Variants in YKT6 observed in about 807,000 individuals in gnomAD.
The protein encoded by YKT6 is synaptobrevin homolog YKT6.
YKT6 carries 12 observed loss-of-function variants against 29.3 expected under a neutral mutation model. The observed-to-expected ratio is 0.41, with a 90% CI of 0.26 to 0.66. The LOEUF is 0.66. Ranked by LOEUF, YKT6 falls within the 30% of genes least tolerant of loss-of-function variation. The probability of loss-of-function intolerance (pLI) is 0.32; values close to 1 mark genes in which losing one functional copy is unlikely to be tolerated. For synonymous variants in YKT6, 86 were observed against 94.3 expected, an observed-to-expected ratio of 0.91 and a Z score of 0.51; for missense variants, 188 against 243.8, an observed-to-expected ratio of 0.77 and a Z score of 1.52.
chr7:44,210,992 A>G (rs1302745749), intron 5 of YKT6, 31 bp from the exon 6 acceptor site: 2 of 1,610,768 alleles, frequency 1.2e-6, no homozygotes. Flanking sequence ...CGTACTGAAC[A>G]GAGCTGGATT....
chr7:44,212,677 A>T lies in YKT6; in HGVS notation c.*395A>T. The T allele has an allele frequency of 6.4e-6, 1 of 155,898 alleles. No homozygotes were observed. Among genetic ancestry groups the T allele is most frequent in the Non-Finnish European group, 1.4e-5 (1 of 72,068 alleles). 9.7% of individuals were successfully genotyped at this position (155,898 alleles called of 1,614,324 possible). A position where few individuals can be genotyped will look rare whatever the true frequency, so the allele number is the denominator to read the frequency against. On this transcript the variant is annotated 3_prime_UTR_variant, in exon 7 of 7. Coordinates refer to ENST00000223369, the MANE Select transcript of YKT6 (RefSeq NM_006555.4). The stretch of plus-strand genomic sequence containing the variant: ...TGTACATTAATGATATTAACACTCC[A>T]GTGGGGGGTGGGGAGTCCCTGATGC...
In YKT6 at chr7:44,212,445, G is replaced by A. The variant is rs1156990538; in HGVS notation, c.*163G>A. The A allele has an allele frequency of 2.8e-5, 24 of 868,090 alleles. No individual in the cohort carries two copies. The East Asian group carries it at 4.4e-4, about 16-fold the overall frequency. 53.8% of individuals were successfully genotyped at this position (868,090 alleles called of 1,614,324 possible). On this transcript the variant is annotated 3_prime_UTR_variant, in exon 7 of 7. Transcript: ENST00000223369. ...GAGAAATGGATGGTGGAAGGGTGGC[G>A]AATGTTCAAATTCATATGTGTGGTA... is the stretch of plus-strand genomic sequence containing the variant.
intron 1 of YKT6, among the ~76,000 whole-genome samples, chr7:44,202,508 A>G (rs1009690189): frequency 6.6e-6 from 1 of 152,234 alleles, no homozygotes; most frequent in Non-Finnish European, 1.5e-5. Context: ...GCGACCTTAG[A>G]TAAATGGAAT....
intron 1 of YKT6, among the ~76,000 whole-genome samples, chr7:44,201,999 TGCTGGAAC>T (rs1416276404): frequency 1.3e-5 from 2 of 152,210 alleles, no homozygotes; most frequent in African/African-American, 4.8e-5. Context: ...GCGCTTTAAT[TGCTGGAAC>T]GTGTTAGAAG....
At position 44,212,257 on chromosome 7, in the gene YKT6, A is replaced by G; in HGVS notation, c.572A>G (p.Gln191Arg). 1 of 1,614,038 alleles carries G rather than the reference A, an allele frequency of 6.2e-7. No individual in the cohort carries two copies. The highest frequency in any genetic ancestry group is 8.5e-7 in the Non-Finnish European group (1 of 1,179,996). The change falls in exon 7 of 7, where the codon CAA (glutamine) becomes CGA (arginine). Residue 191 changes from glutamine to arginine, a missense_variant. Coordinates refer to ENST00000223369, the MANE Select transcript of YKT6 (RefSeq NM_006555.4). ...SKAFYKTARKQNSCCAIM is the reference protein window; with the variant it reads ...SKAFYKTARKRNSCCAIM ...TTGTTTTTTTCCAAGGCCCGGAAAC[A>G]AAACTCATGCTGTGCCATCATGTGA...
Position 44,206,442 on chromosome 7 carries a change from A to C in YKT6, c.245A>C (p.Asp82Ala). The C allele has an allele frequency of 6.2e-7, 1 of 1,614,128 alleles. No homozygotes were observed. The highest frequency in any genetic ancestry group is 2.2e-5 in the East Asian group (1 of 44,890). The stretch of plus-strand genomic sequence containing the variant: ...AGTCTTGCAGGTGTGGTCATTGCTG[A>C]CAATGAATACCCATCCCGGGTGGCC... ...NDSLAGVVIA[D>A]NEYPSRVAFT... is the part of the protein sequence containing the mutation. Residue 82 changes from aspartate to alanine, a missense_variant, in exon 3 of 7, where the codon GAC becomes GCC. Around this residue, in one of 3 missense-constraint regions of YKT6, gnomAD observed 100 missense variants for 136.3 expected, o/e 0.73. Transcript: ENST00000223369.
At chr7:44,210,920 A>G (rs2096346097) in intron 5 of YKT6, 103 bp from the exon 6 acceptor site, 2 of 1,160,964 alleles carry the variant, frequency 1.7e-6, no homozygotes, top group Non-Finnish European at 2.6e-6. Context: ...TGTGTGTTGG[A>G]GAGGAACCCA....
chr7:44,212,198 CCTTA>C (rs1166675935), intron 6 of YKT6, 45 bp from the exon 7 acceptor site: 3 of 1,613,244 alleles, frequency 1.9e-6, no homozygotes, highest in Admixed American at 1.7e-5. Context: ...TTGGGGCTTC[CCTTA>C]CTTCGTCAGT....
intron 5 of YKT6, chr7:44,208,580 C>T (rs1362462719): frequency 7.8e-5 from 20 of 257,198 alleles, no homozygotes; most frequent in Non-Finnish European, 4.6e-5. Flanking sequence ...CCCCTTGCAG[C>T]GTTTGCATTG....
At chr7:44,202,213 TAA>T (rs35233777) in intron 1 of YKT6, among the ~76,000 whole-genome samples, 4 of 146,424 alleles carry the variant, frequency 2.7e-5, no homozygotes, top group Admixed American at 6.8e-5. Flanking sequence ...TTGCTGGATG[TAA>T]AAAAAAAAAA....
At chr7:44,208,062 T>C in intron 4 of YKT6, 71 bp from the exon 5 acceptor site, 1 of 1,518,822 alleles carries the variant, frequency 6.6e-7, no homozygotes, top group Non-Finnish European at 9.1e-7. Flanking sequence ...TTGTCCAGCT[T>C]CCTCAGTTTT....
intron 5 of YKT6, among the ~76,000 whole-genome samples, chr7:44,210,416 T>C (rs906582141): frequency 5.9e-5 from 9 of 152,212 alleles, no homozygotes; most frequent in African/African-American, 1.9e-4. Context: ...CACGTGACCT[T>C]CTGTGTGTGT....
intron 2 of YKT6, among the ~76,000 whole-genome samples, chr7:44,205,036 ATTTT>A (rs998820962): frequency 1.3e-5 from 2 of 152,090 alleles, no homozygotes; most frequent in African/African-American, 4.8e-5. Context: ...TGAAAAAACT[ATTTT>A]TTCTTTCTGA....
intron 1 of YKT6, among the ~76,000 whole-genome samples, chr7:44,202,287 G>T (rs1479036361): frequency 2.6e-5 from 4 of 152,022 alleles, no homozygotes; most frequent in Admixed American, 1.3e-4. Context: ...TTTTAATTGT[G>T]GTAAAATGGT....
intron 6 of YKT6, among the ~76,000 whole-genome samples, chr7:44,211,925 T>TC (rs377404047): frequency 2.2e-4 from 34 of 152,324 alleles, no homozygotes; most frequent in African/African-American, 7.9e-4. Context: ...ATTCTGCCAA[T>TC]CCCATTTGTA....
At chr7:44,207,806 A>G (rs142492479) in intron 4 of YKT6, among the ~76,000 whole-genome samples, 229 of 152,046 alleles carry the variant, frequency 1.5e-3, no homozygotes, top group African/African-American at 5.3e-3. Flanking sequence ...GGCTCACTCA[A>G]CCTGCACCTC....
rs918051550 is a variant in YKT6 at position 44,213,247 on chromosome 7, C to T, written c.*965C>T. 1.3e-5 allele frequency: 2 copies of T among 152,372 alleles called. No individual in the cohort carries two copies. The highest frequency in any genetic ancestry group is 1.3e-4 in the Admixed American group (2 of 15,306). 9.4% of individuals were successfully genotyped at this position (152,372 alleles called of 1,614,324 possible). ...ATTTGACTCTGTGGCTCTAAGACTGCCTTGAACCGCCTGAGGCCTATGCAT... is the reference window on the plus strand; with the variant it reads ...ATTTGACTCTGTGGCTCTAAGACTGTCTTGAACCGCCTGAGGCCTATGCAT... On this transcript the variant is annotated 3_prime_UTR_variant, in exon 7 of 7. Transcript: ENST00000223369.
chr7:44,210,680 GCACACACA>G (rs3837149), intron 5 of YKT6: 10 of 355,080 alleles, frequency 2.8e-5, no homozygotes, highest in Admixed American at 1.1e-4. Context: ...ACATGTGCGT[GCACACACA>G]CACACACACA....
In YKT6 at chr7:44,213,732, C is replaced by T. The variant is rs1047517022; in HGVS notation, c.*1450C>T. ...CCAGAGTCTCAGTGGTCCTGACCCC[C>T]AATGTGGGCAGGGGCTGGGCAGGAG... is the stretch of plus-strand genomic sequence containing the variant. On this transcript the variant is annotated 3_prime_UTR_variant, in exon 7 of 7. Coordinates refer to ENST00000223369, the MANE Select transcript of YKT6 (RefSeq NM_006555.4). The T allele has an allele frequency of 6.6e-6, 1 of 152,268 alleles. No individual in the cohort carries two copies. Among genetic ancestry groups the T allele is most frequent in the Non-Finnish European group, 1.5e-5 (1 of 68,102 alleles). 9.4% of individuals were successfully genotyped at this position (152,268 alleles called of 1,614,324 possible).
Sources: gnomAD v4.1 joint callset for allele counts (sites outside exome capture counted in the v4.1 genomes callset) on GRCh38, gnomAD v4.1.1 for gene constraint, gnomAD v4.1.1 regional missense constraint, MANE v1.5 for transcripts, NCBI Gene and HGNC (gene_info 2026-07-23, HGNC 2026-07-21) for gene names.